The following APBA1 variants were observed in gnomAD, a reference collection of about 807,000 sequenced individuals.
The protein encoded by APBA1 is amyloid-beta A4 precursor protein-binding family A member 1.
Under a neutral mutation model 86.6 loss-of-function variants are expected in APBA1, and 55 were observed. That is an observed-to-expected ratio of 0.64 (90% CI 0.51 to 0.80). The LOEUF (loss-of-function observed/expected upper bound fraction) is 0.80. APBA1 is among the 30% of genes least tolerant of loss of function. The pLI is 0.00. For synonymous variants in APBA1, 511 were observed against 493.9 expected (o/e 1.03, Z -0.46); for missense variants, 1,090 against 1,183.0 (o/e 0.92, Z 1.15).
rs979475475 is a variant in APBA1, at chr9:69,477,273, G to T, written c.1201-1130C>A. Among the ~76,000 whole-genome samples, 34 of 151,522 alleles carry T rather than the reference G, an allele frequency of 2.2e-4. No individual in the cohort carries two copies. In the South Asian group the frequency reaches 7.1e-3, roughly 32 times the overall value. On this transcript the variant is annotated intron_variant, in intron 2 of 12. Coordinates refer to ENST00000265381, the MANE Select transcript of APBA1 (RefSeq NM_001163.4). ...AGGTCAGTGGGTGCGCGCACCGTGCGCCAGCCGAAGCAGGGCGAGGCATTT... is the reference window on the plus strand; with the variant it reads ...AGGTCAGTGGGTGCGCGCACCGTGCTCCAGCCGAAGCAGGGCGAGGCATTT...
intron 1 of APBA1, among the ~76,000 whole-genome samples, chr9:69,625,617 T>A (rs938259304): frequency 6.6e-6 from 1 of 152,182 alleles, no homozygotes; most frequent in Admixed American, 6.6e-5. Flanking sequence ...CTTAGAGATA[T>A]GCCACTCACA....
At chr9:69,576,610 A>G (rs58898534) in intron 1 of APBA1, among the ~76,000 whole-genome samples, 11,298 of 152,252 alleles carry the variant, frequency 0.074, 592 homozygotes, top group African/African-American at 0.14. Context: ...GCAAGGACAA[A>G]AAACCAAACA....
chr9:69,535,684 T>C (rs1473332070), intron 1 of APBA1, among the ~76,000 whole-genome samples: 2 of 152,188 alleles, frequency 1.3e-5, no homozygotes, highest in East Asian at 3.8e-4. Flanking sequence ...TCTCTGTTTC[T>C]ATCTCATTCT....
intron 2 of APBA1, among the ~76,000 whole-genome samples, chr9:69,477,413 CGGCTTAAAAA>C (rs1381502346): frequency 2.2e-3 from 275 of 126,938 alleles, no homozygotes; most frequent in African/African-American, 7.9e-3. Flanking sequence ...CTTTTCGGAC[CGGCTTAAAAA>C]ACCGCGCACC....
chr9:69,493,210 C>T (rs140327563), intron 2 of APBA1, among the ~76,000 whole-genome samples: 139 of 152,190 alleles, frequency 9.1e-4, no homozygotes, highest in African/African-American at 3.2e-3. Flanking sequence ...AGAACACATT[C>T]TAGACTCTAC....
In APBA1 at chr9:69,458,931, C is replaced by T. The variant is rs369322847; in HGVS notation, c.1483-743G>A. 2.6e-4 allele frequency among the ~76,000 whole-genome samples: 40 copies of T among 152,080 alleles called. No homozygotes were observed. In the East Asian group the frequency reaches 7.1e-3, roughly 27 times the overall value. On this transcript the variant is annotated intron_variant, in intron 5 of 12. Transcript: ENST00000265381. The stretch of plus-strand genomic sequence containing the variant: ...AAGAGATTCTCCTGCCTCAGCCTCC[C>T]GAGTAGCTGGGATTATAGGCATGCG...
intron 1 of APBA1, among the ~76,000 whole-genome samples, chr9:69,584,896 A>G (rs1210775856): frequency 6.6e-6 from 1 of 152,218 alleles, no homozygotes; most frequent in African/African-American, 2.4e-5. Context: ...TACCATATCC[A>G]GAGAAAACTT....
intron 11 of APBA1, among the ~76,000 whole-genome samples, chr9:69,433,261 A>G (rs1032734501): frequency 6.6e-6 from 1 of 152,240 alleles, no homozygotes; most frequent in East Asian, 1.9e-4. Flanking sequence ...TGGCACAGCC[A>G]GGTACCACAG....
At chr9:69,613,950 T>A (rs1265803753) in intron 1 of APBA1, among the ~76,000 whole-genome samples, 1 of 148,650 alleles carries the variant, frequency 6.7e-6, no homozygotes, top group African/African-American at 2.6e-5. Context: ...TTGCAAAATA[T>A]TTTTTTTTAC....
At chr9:69,607,519 G>A (rs997612164) in intron 1 of APBA1, among the ~76,000 whole-genome samples, 2 of 152,132 alleles carry the variant, frequency 1.3e-5, no homozygotes, top group Non-Finnish European at 2.9e-5. Flanking sequence ...AGGACTGGCA[G>A]ATTAGCACAT....
chr9:69,454,356 A>G (rs1398138270), intron 8 of APBA1, among the ~76,000 whole-genome samples: 1 of 152,216 alleles, frequency 6.6e-6, no homozygotes, highest in Non-Finnish European at 1.5e-5. Flanking sequence ...TGACCAGTCG[A>G]CTTCCTGATC....
At chr9:69,501,416 G>A (rs1835877619) in intron 2 of APBA1, among the ~76,000 whole-genome samples, 1 of 151,972 alleles carries the variant, frequency 6.6e-6, no homozygotes, top group South Asian at 2.1e-4. Context: ...ATACAACTGG[G>A]TTACATATGA....
chr9:69,562,555 A>C (rs1836963073), intron 1 of APBA1, among the ~76,000 whole-genome samples: 1 of 151,896 alleles, frequency 6.6e-6, no homozygotes, highest in Non-Finnish European at 1.5e-5. Flanking sequence ...TTGTATTTTT[A>C]GTAGAGACAG....
intron 1 of APBA1, among the ~76,000 whole-genome samples, chr9:69,569,166 A>G (rs1054683634): frequency 2.0e-5 from 3 of 152,074 alleles, no homozygotes; most frequent in Non-Finnish European, 4.4e-5. Flanking sequence ...TAACTTGGTC[A>G]CCTTCCTAGG....
rs898959379 is a variant in APBA1, at chr9:69,430,593, G to A, written c.*734C>T. On this transcript the variant is annotated 3_prime_UTR_variant, in exon 13 of 13. Coordinates refer to ENST00000265381, the MANE Select transcript of APBA1 (RefSeq NM_001163.4). The stretch of plus-strand genomic sequence containing the variant: ...AGAGAAGCAGACAGTACCTGCCTGT[G>A]TTTATCTAATGGTTGATAACTTGAG... 1 of 152,376 alleles carries A rather than the reference G, an allele frequency of 6.6e-6. No individual in the cohort carries two copies. Among genetic ancestry groups the A allele is most frequent in the Non-Finnish European group, 1.5e-5 (1 of 68,160 alleles). 9.4% of individuals were successfully genotyped at this position (152,376 alleles called of 1,614,324 possible). A position where few individuals can be genotyped will look rare whatever the true frequency, so the allele number is the denominator to read the frequency against.
chr9:69,441,901 T>C (rs1834830290), intron 10 of APBA1, among the ~76,000 whole-genome samples: 2 of 152,218 alleles, frequency 1.3e-5, no homozygotes, highest in South Asian at 4.1e-4. Flanking sequence ...GTAGAAAGCT[T>C]CCACCTCTGT....
At chr9:69,618,299 T>G (rs919704302) in intron 1 of APBA1, among the ~76,000 whole-genome samples, 37 of 152,200 alleles carry the variant, frequency 2.4e-4, no homozygotes, top group African/African-American at 8.9e-4. Context: ...TTGACACCAG[T>G]GACTTTTCTA....
intron 1 of APBA1, among the ~76,000 whole-genome samples, chr9:69,578,843 G>A (rs1821858402): frequency 6.6e-6 from 1 of 152,166 alleles, no homozygotes. Flanking sequence ...TTCACAAATT[G>A]TAGGGACAGT....
intron 2 of APBA1, among the ~76,000 whole-genome samples, chr9:69,514,394 C>T (rs760882660): frequency 4.6e-5 from 7 of 152,006 alleles, no homozygotes; most frequent in Non-Finnish European, 8.8e-5. Context: ...AGTTCAAGCC[C>T]AGCCTAGCCA....
Sources: allele counts gnomAD v4.1 joint callset (sites outside exome capture counted in the v4.1 genomes callset), GRCh38; gene constraint gnomAD v4.1.1; transcripts MANE v1.5; gene names NCBI Gene and HGNC (gene_info 2026-07-23, HGNC 2026-07-21).